The following BLM variants were observed in gnomAD, a reference collection of about 807,000 sequenced individuals.
BLM encodes BLM RecQ like helicase, also known as recQ-like DNA helicase BLM.
BLM carries 95 observed loss-of-function variants against 135.3 expected under a neutral mutation model. The observed-to-expected ratio is 0.70, with a 90% CI of 0.59 to 0.83. The LOEUF (loss-of-function observed/expected upper bound fraction) is 0.83, where lower values mean the gene tolerates loss of function less well. Ranked by LOEUF, BLM falls within the 40% of genes least tolerant of loss-of-function variation. BLM has a pLI of 0.00. For synonymous variants in BLM, 520 were observed against 589.2 expected (o/e 0.88, Z 1.70); for missense variants, 1,518 against 1,663.9 (o/e 0.91, Z 1.53).
chr15:90,811,372 AG>A lies in BLM; in HGVS notation c.4043del (p.Arg1348LysfsTer58), dbSNP rs1243503510. On this transcript the variant is annotated frameshift_variant, in exon 21 of 22. Coordinates refer to ENST00000355112, the MANE Select transcript of BLM (RefSeq NM_000057.4). LOFTEE classifies it low-confidence loss of function (END_TRUNC). ...GCCAGCCTCCCAAAGGTCTAAGAGG[AG>A]AAAAACTGCTTCCAGTGGTTCCAAG... ...KMPASQRSKR[R>X]KTASSGSKAK... The A allele has an allele frequency of 6.2e-7, 1 of 1,614,106 alleles. No homozygotes were observed. Among genetic ancestry groups the A allele is most frequent in the African/African-American group, 1.3e-5 (1 of 74,930 alleles).
chr15:90,729,702 T>C (rs1483063868), intron 1 of BLM, among the ~76,000 whole-genome samples: 2 of 152,228 alleles, frequency 1.3e-5, no homozygotes, highest in African/African-American at 2.4e-5. Context: ...CGTATGACAG[T>C]AATTCACCTT....
chr15:90,741,184 T>C (rs1276890233), intron 1 of BLM, among the ~76,000 whole-genome samples: 1 of 152,220 alleles, frequency 6.6e-6, no homozygotes. Context: ...AATTCACCTT[T>C]AAAAACCTAG....
At chr15:90,725,392 T>G (rs1894882354) in intron 1 of BLM, among the ~76,000 whole-genome samples, 1 of 152,220 alleles carries the variant, frequency 6.6e-6, no homozygotes, top group Non-Finnish European at 1.5e-5. Flanking sequence ...TCCAATCTGG[T>G]ATATTCATGT....
chr15:90,740,479 C>T (rs368249977), intron 1 of BLM, among the ~76,000 whole-genome samples: 2 of 152,218 alleles, frequency 1.3e-5, no homozygotes, highest in Non-Finnish European at 2.9e-5. Context: ...ATCCATTCAT[C>T]ACTTGATGGA....
intron 12 of BLM, among the ~76,000 whole-genome samples, chr15:90,777,522 A>G (rs1484618110): frequency 1.3e-5 from 2 of 152,186 alleles, no homozygotes; most frequent in African/African-American, 4.8e-5. Flanking sequence ...CAAAAGCAAC[A>G]AGCTGAGCTC....
At chr15:90,776,259 ACT>A (rs1291468320) in intron 12 of BLM, among the ~76,000 whole-genome samples, 1 of 151,896 alleles carries the variant, frequency 6.6e-6, no homozygotes, top group Non-Finnish European at 1.5e-5. Context: ...AGAATTGGAA[ACT>A]CTCTGGGAAA....
rs1463025227 is a variant in BLM, at chr15:90,803,712, A to C, written c.3550A>C (p.Asn1184His). 6.2e-7 allele frequency: 1 copy of C among 1,613,882 alleles called. No homozygotes were observed. The highest frequency in any genetic ancestry group is 1.3e-5 in the African/African-American group (1 of 74,936). Reference protein sequence around the residue: ...GNKAQTVLNGNLKVDFMETEN... With the variant: ...GNKAQTVLNGHLKVDFMETEN... ...TAAAGCCCAAACTGTACTAAATGGCAATTTAAAGGTATAGTATTTTTCATG... is the reference window on the plus strand; with the variant it reads ...TAAAGCCCAAACTGTACTAAATGGCCATTTAAAGGTATAGTATTTTTCATG... Residue 1184 changes from asparagine (N) to histidine (H), a missense_variant, in exon 18 of 22, where the codon AAT (asparagine) becomes CAT (histidine). Asn to His is a moderately conservative substitution (Grantham distance 68). Around this residue, in one of 5 missense-constraint regions of BLM, gnomAD observed 626 missense variants for 681.1 expected, o/e 0.92. Coordinates refer to ENST00000355112, the MANE Select transcript of BLM (RefSeq NM_000057.4).
chr15:90,802,812 G>T (rs1250699543), intron 17 of BLM, among the ~76,000 whole-genome samples: 2 of 152,046 alleles, frequency 1.3e-5, no homozygotes, highest in Admixed American at 1.3e-4. Context: ...ATAATGTAAA[G>T]AGTGTCATTG....
At chr15:90,803,142 A>G (rs1383282702) in intron 17 of BLM, among the ~76,000 whole-genome samples, 1 of 150,302 alleles carries the variant, frequency 6.7e-6, no homozygotes, top group Non-Finnish European at 1.5e-5. Flanking sequence ...CAACCTCCAC[A>G]ATAGAGTGAG....
At chr15:90,757,092 A>G (rs1469583252) in intron 5 of BLM, among the ~76,000 whole-genome samples, 2 of 152,158 alleles carry the variant, frequency 1.3e-5, no homozygotes, top group Non-Finnish European at 2.9e-5. Context: ...GTTTTTATGA[A>G]CTTTTGCTAA....
intron 14 of BLM, among the ~76,000 whole-genome samples, chr15:90,786,848 C>T (rs112928522): frequency 0.085 from 12,922 of 151,918 alleles, 907 homozygotes; most frequent in African/African-American, 0.19. Context: ...CTCCTGACCT[C>T]ATGATCCGCC....
intron 1 of BLM, among the ~76,000 whole-genome samples, chr15:90,721,027 T>C (rs1474054727): frequency 6.6e-6 from 1 of 152,176 alleles, no homozygotes; most frequent in African/African-American, 2.4e-5. Context: ...ACCCCGTCTC[T>C]ACCAAAAAAT....
chr15:90,724,756 C>T (rs983789511), intron 1 of BLM, among the ~76,000 whole-genome samples: 1 of 152,188 alleles, frequency 6.6e-6, no homozygotes, highest in African/African-American at 2.4e-5. Context: ...CACCAGCCTC[C>T]CACCATCTCT....
rs1376622108 is a variant in BLM at position 90,735,586 on chromosome 15, G to A, written c.-4-11803G>A. On this transcript the variant is annotated intron_variant, in intron 1 of 21. Transcript: ENST00000355112. Reference sequence around the variant, plus strand: ...GTTCTGAAATTATTAGGGCAGAGATGGACTCTTTATAAATAGTGCTGGGAC... The same window carrying A: ...GTTCTGAAATTATTAGGGCAGAGATAGACTCTTTATAAATAGTGCTGGGAC... Among the ~76,000 whole-genome samples, 5 of 298 alleles carry A rather than the reference G, an allele frequency of 0.017. 1 individual carries two copies. The East Asian group carries it at 0.67, about 40-fold the overall frequency. 0.2% of individuals were successfully genotyped at this position (298 alleles called of 152,430 possible).
chr15:90,804,126 C>T, intron 18 of BLM, 41 bp from the exon 19 acceptor site: 8 of 1,565,610 alleles, frequency 5.1e-6, no homozygotes, highest in Non-Finnish European at 7.0e-6. Context: ...GGTACAAGTG[C>T]ACATATACCC....
At chr15:90,727,384 A>C (rs935308459) in intron 1 of BLM, among the ~76,000 whole-genome samples, 3 of 152,142 alleles carry the variant, frequency 2.0e-5, no homozygotes, top group African/African-American at 7.2e-5. Flanking sequence ...GTTATATTTC[A>C]TAGATATAAC....
intron 12 of BLM, among the ~76,000 whole-genome samples, chr15:90,779,126 C>T (rs1896556291): frequency 6.6e-6 from 1 of 152,100 alleles, no homozygotes; most frequent in African/African-American, 2.4e-5. Context: ...ACCTCATGAT[C>T]CGCCCAACTC....
Position 90,724,762 on chromosome 15 carries a change from T to A in BLM, c.-5+7322T>A, listed in dbSNP as rs541633348. The stretch of plus-strand genomic sequence containing the variant: ...CTCCAGGCACACCAGCCTCCCACCA[T>A]CTCTACATGTTCTCACCAACCTAGA... On this transcript the variant is annotated intron_variant, in intron 1 of 21. Coordinates refer to ENST00000355112, the MANE Select transcript of BLM (RefSeq NM_000057.4). Among the ~76,000 whole-genome samples the A allele has an allele frequency of 3.2e-3, 481 of 152,244 alleles. 3 individuals are homozygous for A. Among genetic ancestry groups the A allele is most frequent in the Non-Finnish European group, 4.6e-3 (315 of 68,014 alleles).
chr15:90,762,077 G>A (rs917253860), intron 7 of BLM, among the ~76,000 whole-genome samples: 8 of 152,132 alleles, frequency 5.3e-5, no homozygotes, highest in Non-Finnish European at 1.0e-4. Context: ...TTAAAACAAC[G>A]ATTAATGGAT....
Sources: gnomAD v4.1 joint callset for allele counts (sites outside exome capture counted in the v4.1 genomes callset) on GRCh38, gnomAD v4.1.1 for gene constraint, gnomAD v4.1.1 regional missense constraint, MANE v1.5 for transcripts, NCBI Gene and HGNC (gene_info 2026-07-23, HGNC 2026-07-21) for gene names.